Variants in EVC observed in about 807,000 individuals in gnomAD.
EVC encodes the protein evC complex member EVC.
EVC carries 116 observed loss-of-function variants against 118.9 expected under a neutral mutation model. The observed-to-expected ratio is 0.98, with a 90% CI of 0.84 to 1.14. The LOEUF is 1.14. Ranked by LOEUF, EVC falls within the 50% of genes most tolerant of loss-of-function variation. The pLI is 0.00. For missense variants in EVC, 1,401 were observed against 1,246.4 expected, an observed-to-expected ratio of 1.12 and a Z score of -1.87; for synonymous variants, 619 against 534.7, an observed-to-expected ratio of 1.16 and a Z score of -2.18.
intron 11 of EVC, among the ~76,000 whole-genome samples, chr4:5,762,194 T>C (rs1489970326): frequency 8.3e-6 from 1 of 120,200 alleles, no homozygotes; most frequent in Non-Finnish European, 1.8e-5. Context: ...GAATGATGAT[T>C]TCCAATTTCA....
intron 2 of EVC, among the ~76,000 whole-genome samples, chr4:5,720,113 G>C (rs1248156296): frequency 1.3e-5 from 2 of 152,154 alleles, no homozygotes; most frequent in African/African-American, 4.8e-5. Context: ...TGAGCCCCGT[G>C]GGTGGAGAGG....
intron 11 of EVC, among the ~76,000 whole-genome samples, chr4:5,767,621 C>A (rs528053856): frequency 2.0e-5 from 3 of 151,786 alleles, no homozygotes; most frequent in African/African-American, 7.3e-5. Flanking sequence ...TTTTTAAGCC[C>A]GTCGGAAAAG....
chr4:5,821,860 G>C, the EVC span: 10 of 1,599,132 alleles, frequency 6.3e-6, no homozygotes, highest in African/African-American at 9.4e-5. This position sits in a 1 kb window ranked among gnomAD's most constrained non-coding sequence, Gnocchi z 4.4. Flanking sequence ...ACCTGAAAGA[G>C]AGCGCCAATC....
At chr4:5,818,904 C>G (rs984345280), downstream of EVC, among the ~76,000 whole-genome samples, 1 of 152,152 alleles carries the variant, frequency 6.6e-6, no homozygotes, top group Non-Finnish European at 1.5e-5. Context: ...ACAGAACTAG[C>G]AAACACTACA....
At chr4:5,747,021 A>G (rs1255169550) in intron 7 of EVC, among the ~76,000 whole-genome samples, 1 of 151,930 alleles carries the variant, frequency 6.6e-6, no homozygotes, top group Non-Finnish European at 1.5e-5. Flanking sequence ...CTCCAAGGGG[A>G]AGAGCAGGGT....
At chr4:5,825,919 C>T in the EVC span, 18,433 of 506,734 alleles carry the variant, frequency 0.036, 431 homozygotes, top group African/African-American at 0.056. This position sits in a 1 kb window ranked among gnomAD's most constrained non-coding sequence, Gnocchi z 4.4. Flanking sequence ...ACCACGCACA[C>T]GCACTCACAT....
chr4:5,801,721 T>G (rs1039325180), intron 15 of EVC: 10 of 516,588 alleles, frequency 1.9e-5, no homozygotes, highest in Non-Finnish European at 7.0e-6. Flanking sequence ...TAGCCGACTT[T>G]CCCTAACATC....
chr4:5,775,438 A>G lies in EVC; in HGVS notation c.1564-8114A>G, dbSNP rs957513898. Reference sequence around the variant, plus strand: ...CCATCATCCAGCTGATACAGAAATCAGATCCCTAGTTTGATTTACAGTTGT... The same window carrying G: ...CCATCATCCAGCTGATACAGAAATCGGATCCCTAGTTTGATTTACAGTTGT... On this transcript the variant is annotated intron_variant, in intron 11 of 20. Coordinates refer to ENST00000264956, the MANE Select transcript of EVC (RefSeq NM_153717.3). Among the ~76,000 whole-genome samples the G allele has an allele frequency of 3.3e-5, 5 of 152,158 alleles. 1 individual carries two copies. The highest frequency in any genetic ancestry group is 6.3e-3 in the Middle Eastern group (2 of 316).
rs200641549 is a variant in EVC at position 5,783,655 on chromosome 4, A to C, written c.1667A>C (p.Tyr556Ser). The C allele has an allele frequency of 1.2e-6, 2 of 1,614,078 alleles. No homozygotes were observed. The change falls in exon 12 of 21, where the codon TAC becomes TCC. Residue 556 changes from tyrosine (Y) to serine (S), a missense_variant. Tyr to Ser is a moderately radical substitution (Grantham distance 144). Transcript: ENST00000264956. Reference sequence around the variant, plus strand: ...GGCCTCCCCCCGGAAGAGTGTGACTACTTGAGGCAGGAAGTCCAGGAGAAC... The same window carrying C: ...GGCCTCCCCCCGGAAGAGTGTGACTCCTTGAGGCAGGAAGTCCAGGAGAAC... ...MTGLPPEECD[Y>S]LRQEVQENAA...
chr4:5,748,116 C>A, intron 7 of EVC, 32 bp from the exon 8 acceptor site: 2 of 1,613,920 alleles, frequency 1.2e-6, no homozygotes, highest in South Asian at 2.2e-5. Context: ...AGTTTTTCAC[C>A]TCACTTCTTG....
rs1219795411 is a variant in EVC at position 5,794,332 on chromosome 4, TATTTATATAC to T, written c.1886+616_1886+625del. The stretch of plus-strand genomic sequence containing the variant: ...TTATATATTTATATATATTTATATA[TATTTATATAC>T]TTATATATATATTTATGTATTTATA... On this transcript the variant is annotated intron_variant, in intron 13 of 20. Transcript: ENST00000264956. Among the ~76,000 whole-genome samples the T allele has an allele frequency of 1.8e-4, 22 of 119,910 alleles. 2 individuals carry two copies. The highest frequency in any genetic ancestry group is 1.7e-3 in the South Asian group (5 of 2,972). The allele number at this position is 119,910 out of a possible 152,430, so 78.7% of individuals were successfully genotyped here.
At chr4:5,759,324 T>A (rs540456462) in intron 11 of EVC, among the ~76,000 whole-genome samples, 55 of 150,474 alleles carry the variant, frequency 3.7e-4, no homozygotes, top group African/African-American at 1.2e-3. Context: ...GTGTTGATGG[T>A]TTGGTCGCCG....
At chr4:5,806,166 G>C (rs529575395) in intron 17 of EVC, among the ~76,000 whole-genome samples, 1 of 150,996 alleles carries the variant, frequency 6.6e-6, no homozygotes, top group African/African-American at 2.4e-5. Flanking sequence ...TGCAACCTCC[G>C]CCTCCCGGGT....
chr4:5,745,850 G>A (rs1729288500), intron 7 of EVC, among the ~76,000 whole-genome samples: 1 of 152,212 alleles, frequency 6.6e-6, no homozygotes, highest in African/African-American at 2.4e-5. Flanking sequence ...AAATCATTTA[G>A]ACATGGCCCT....
intron 11 of EVC, among the ~76,000 whole-genome samples, chr4:5,773,837 T>G (rs1472138119): frequency 2.0e-5 from 3 of 152,170 alleles, no homozygotes; most frequent in Non-Finnish European, 2.9e-5. Flanking sequence ...TCAGGGGAAC[T>G]GGAGCACACT....
At chr4:5,713,806 G>C (rs951835436) in intron 1 of EVC, among the ~76,000 whole-genome samples, 8 of 152,102 alleles carry the variant, frequency 5.3e-5, no homozygotes, top group Admixed American at 2.6e-4. Flanking sequence ...GGGAGGCTAA[G>C]GCAAGAGAAT....
rs1458979240 is a variant in EVC, at chr4:5,749,137, A to T, written c.1098+831A>T. Among the ~76,000 whole-genome samples, 1 of 151,846 alleles carries T rather than the reference A, an allele frequency of 6.6e-6. No individual in the cohort carries two copies. Among genetic ancestry groups the T allele is most frequent in the Non-Finnish European group, 1.5e-5 (1 of 67,964 alleles). On this transcript the variant is annotated intron_variant, in intron 8 of 20. Coordinates refer to ENST00000264956, the MANE Select transcript of EVC (RefSeq NM_153717.3). The surrounding 1 kb of genome is among the most constrained non-coding windows in gnomAD (Gnocchi z 4.4). ...ATGCCTTTTCCTGGCCTTCACTCTG[A>T]GGTTCTAATATGATTGGTCTGGAGT...
chr4:5,810,244 C>T, intron 19 of EVC, 95 bp from the exon 20 acceptor site: 2 of 949,328 alleles, frequency 2.1e-6, no homozygotes, highest in Non-Finnish European at 3.4e-6. Flanking sequence ...ACACAACATG[C>T]TCAAAAATGT....
At chr4:5,818,611 G>C (rs909968071), downstream of EVC, among the ~76,000 whole-genome samples, 1 of 152,072 alleles carries the variant, frequency 6.6e-6, no homozygotes, top group Non-Finnish European at 1.5e-5. Flanking sequence ...GGTTATCATG[G>C]GAGCGGGACC....
Sources: allele counts gnomAD v4.1 joint callset (sites outside exome capture counted in the v4.1 genomes callset), GRCh38; gene constraint gnomAD v4.1.1; non-coding constraint Gnocchi (gnomAD v3.1); transcripts MANE v1.5; gene names NCBI Gene and HGNC (gene_info 2026-07-23, HGNC 2026-07-21).